The following CCDC191 variants were observed in gnomAD, a reference collection of about 807,000 sequenced individuals.
CCDC191 encodes coiled-coil domain-containing protein 191.
In CCDC191, 99 loss-of-function variants were observed where a neutral mutation model predicts 114.0. The observed-to-expected ratio is 0.87, with a 90% CI of 0.74 to 1.03. The LOEUF (loss-of-function observed/expected upper bound fraction) is 1.03, where lower values mean the gene tolerates loss of function less well. CCDC191 is among the 50% of genes least tolerant of loss of function. CCDC191 has a pLI of 0.00. For synonymous variants in CCDC191, 351 were observed against 376.0 expected (o/e 0.93, Z 0.77); for missense variants, 973 against 1,087.0 (o/e 0.90, Z 1.47).
At chr3:114,007,526 AT>A (rs1394035547) in intron 9 of CCDC191, among the ~76,000 whole-genome samples, 1 of 152,158 alleles carries the variant, frequency 6.6e-6, no homozygotes, top group Non-Finnish European at 1.5e-5. Flanking sequence ...AGCAGGGTAT[AT>A]GTTTTAGGTT....
At chr3:113,992,095 G>T (rs1415582449) in intron 13 of CCDC191, among the ~76,000 whole-genome samples, 5 of 152,142 alleles carry the variant, frequency 3.3e-5, no homozygotes, top group Admixed American at 2.6e-4. Context: ...AGTACCCATG[G>T]ATGAGAGTAC....
chr3:114,002,509 C>T lies in CCDC191; in HGVS notation c.2008G>A (p.Glu670Lys), dbSNP rs778986082. Reference protein sequence around the residue: ...AMEERAIQRAECRRILAEKKK... With the variant: ...AMEERAIQRAKCRRILAEKKK... ...TTCTCTGCCAAGATCCGCCTACATT[C>T]AGCTCGTTGAATTGCTCTCTCTTCC... is the stretch of plus-strand genomic sequence containing the variant. The change falls in exon 12 of 17, where the codon GAA (glutamate) becomes AAA (lysine). Residue 670 changes from glutamate to lysine, a missense_variant. Coordinates refer to ENST00000295878, the MANE Select transcript of CCDC191 (RefSeq NM_020817.2). 1.9e-6 allele frequency: 3 copies of T among 1,611,342 alleles called. No homozygotes were observed. The highest frequency in any genetic ancestry group is 2.2e-5 in the East Asian group (1 of 44,704).
chr3:113,965,332 T>A lies in CCDC191; in HGVS notation c.2634A>T (p.Thr878=), dbSNP rs151181828. ...DRRILWITLR[T]WKKFVKFMKE... ...TCATAAATTTTACAAACTTCTTCCA[T>A]GTCCGAAGGGTGATCCAGAGGATCC... Residue 878 remains threonine (T), a synonymous_variant, in exon 17 of 17, where the codon ACA becomes ACT. Transcript: ENST00000295878. 1 of 1,608,664 alleles carries A rather than the reference T, an allele frequency of 6.2e-7. No individual in the cohort carries two copies.
intron 13 of CCDC191, among the ~76,000 whole-genome samples, chr3:113,983,424 A>G (rs1442259167): frequency 3.3e-5 from 5 of 152,166 alleles, no homozygotes; most frequent in Admixed American, 1.3e-4. Context: ...ACCCAAGCAC[A>G]TATCTGACAT....
chr3:114,051,055 G>C (rs2076692803), intron 2 of CCDC191, among the ~76,000 whole-genome samples: 1 of 152,178 alleles, frequency 6.6e-6, no homozygotes. Context: ...TTGTTCATCT[G>C]TATTCCAACA....
chr3:114,026,749 C>G (rs1297592873), intron 7 of CCDC191, among the ~76,000 whole-genome samples: 1 of 152,114 alleles, frequency 6.6e-6, no homozygotes, highest in Non-Finnish European at 1.5e-5. Context: ...TTGAGGTGGA[C>G]TTTTGGAAGG....
intron 11 of CCDC191, 33 bp downstream of exon 11, chr3:114,004,601 TAAC>T (rs2075914745): frequency 1.3e-6 from 2 of 1,593,602 alleles, no homozygotes; most frequent in Non-Finnish European, 1.7e-6. Flanking sequence ...GGAGAGAAGA[TAAC>T]AACCACCAAG....
intron 13 of CCDC191, among the ~76,000 whole-genome samples, chr3:113,983,384 C>T (rs77887409): frequency 2.0e-5 from 3 of 152,104 alleles, no homozygotes; most frequent in Non-Finnish European, 4.4e-5. Context: ...TTTTCACTTG[C>T]GTACACAGTC....
intron 13 of CCDC191, chr3:113,984,038 AC>A (rs1559881908): frequency 6.6e-6 from 1 of 152,126 alleles, no homozygotes; most frequent in African/African-American, 2.4e-5. Context: ...TTGCCTCTGT[AC>A]CACCTCTTGC....
intron 1 of CCDC191, among the ~76,000 whole-genome samples, chr3:114,054,409 G>C (rs973276557): frequency 2.6e-5 from 4 of 152,166 alleles, no homozygotes; most frequent in Non-Finnish European, 5.9e-5. Flanking sequence ...AAGGCGGGCA[G>C]ATCACAAGGT....
chr3:114,055,997 C>G (rs899051489), intron 1 of CCDC191, among the ~76,000 whole-genome samples: 2 of 141,258 alleles, frequency 1.4e-5, no homozygotes, highest in Non-Finnish European at 3.1e-5. Flanking sequence ...TAATAAAGAT[C>G]AATTACCCCA....
intron 9 of CCDC191, among the ~76,000 whole-genome samples, chr3:114,007,550 G>A (rs930927313): frequency 1.3e-5 from 2 of 152,114 alleles, no homozygotes; most frequent in African/African-American, 4.8e-5. Context: ...TTTAAACTTG[G>A]TGGTAATGAC....
Position 114,022,388 on chromosome 3 carries a change from G to A in CCDC191, c.973-3520C>T, listed in dbSNP as rs553376494. On this transcript the variant is annotated intron_variant, in intron 7 of 16. Transcript: ENST00000295878. The stretch of plus-strand genomic sequence containing the variant: ...AGATGCTTGTTCTGATTAATGAAGT[G>A]GGTAACTCATCAAAATTCCTCAGCT... Among the ~76,000 whole-genome samples, 3 of 152,222 alleles carry A rather than the reference G, an allele frequency of 2.0e-5. No homozygotes were observed. In the South Asian group the frequency reaches 6.2e-4, roughly 32 times the overall value.
In CCDC191 at chr3:113,965,278, T is replaced by A. The variant is rs1466309620; in HGVS notation, c.2688A>T (p.Arg896=). 2 of 1,613,016 alleles carry A rather than the reference T, an allele frequency of 1.2e-6. No homozygotes were observed. Among genetic ancestry groups the A allele is most frequent in the African/African-American group, 1.3e-5 (1 of 74,996 alleles). ...MKEERVKEER[R]QQLRRKVVEI... ...CAACTACCTTCCTACGAAGTTGCTG[T>A]CGCCTTTCTTCTTTTACTCTTTCCT... Residue 896 remains arginine, a synonymous_variant, in exon 17 of 17, where the codon CGA becomes CGT. Coordinates refer to ENST00000295878, the MANE Select transcript of CCDC191 (RefSeq NM_020817.2).
intron 13 of CCDC191, among the ~76,000 whole-genome samples, chr3:113,988,195 T>C (rs964479785): frequency 2.0e-5 from 3 of 151,050 alleles, no homozygotes; most frequent in African/African-American, 4.9e-5. Context: ...AACAAGATGA[T>C]AGATTTTAAT....
chr3:113,996,469 TG>T (rs1357506039), intron 13 of CCDC191, among the ~76,000 whole-genome samples: 3 of 152,222 alleles, frequency 2.0e-5, no homozygotes, highest in Non-Finnish European at 2.9e-5. Flanking sequence ...TTAGTCTACA[TG>T]TCTGTTTTAG....
chr3:114,042,389 C>T (rs1032608975), intron 4 of CCDC191, among the ~76,000 whole-genome samples: 4 of 151,984 alleles, frequency 2.6e-5, no homozygotes, highest in African/African-American at 4.8e-5. Flanking sequence ...TTAAAGTATG[C>T]GAGAGGATAC....
At chr3:113,985,973 A>C (rs1335488166) in intron 13 of CCDC191, among the ~76,000 whole-genome samples, 1 of 152,234 alleles carries the variant, frequency 6.6e-6, no homozygotes. Context: ...TGAAAAGATG[A>C]GCCAATCATC....
At chr3:114,001,504 G>A in intron 13 of CCDC191, 91 bp downstream of exon 13, 2 of 1,504,702 alleles carry the variant, frequency 1.3e-6, no homozygotes. Flanking sequence ...ATTCCAGATA[G>A]AAGTTCTGGG....
Sources: gnomAD v4.1 joint callset for allele counts (sites outside exome capture counted in the v4.1 genomes callset) on GRCh38, gnomAD v4.1.1 for gene constraint, MANE v1.5 for transcripts, NCBI Gene and HGNC (gene_info 2026-07-23, HGNC 2026-07-21) for gene names.